CUBN: variants seen among roughly 807,000 people sequenced by gnomAD.
CUBN encodes the protein 460 kDa receptor.
A neutral mutation model predicts 405.3 loss-of-function variants in CUBN; 282 were observed. The observed-to-expected ratio is 0.70, with a 90% CI of 0.63 to 0.77. The LOEUF (loss-of-function observed/expected upper bound fraction) is 0.77, where lower values mean the gene tolerates loss of function less well. Ranked by LOEUF, CUBN falls within the 30% of genes least tolerant of loss-of-function variation. The pLI, the probability that CUBN is intolerant of heterozygous loss-of-function variation, is 0.00. For synonymous variants in CUBN, 1,684 were observed against 1,617.0 expected (o/e 1.04, Z -0.99); for missense variants, 4,514 against 4,475.2 (o/e 1.01, Z -0.25).
intron 31 of CUBN, among the ~76,000 whole-genome samples, chr10:16,958,592 G>A (rs187792716): frequency 3.9e-5 from 6 of 152,288 alleles, no homozygotes; most frequent in Admixed American, 1.3e-4. Context: ...CAAATGTGAT[G>A]AGCATGTTAT....
chr10:16,997,705 T>G (rs1333733018), intron 28 of CUBN, among the ~76,000 whole-genome samples: 1 of 152,164 alleles, frequency 6.6e-6, no homozygotes, highest in East Asian at 1.9e-4. Context: ...TGGACAGGAA[T>G]ATGTGCTCCT....
chr10:17,001,321 C>T (rs1177233623), intron 28 of CUBN, among the ~76,000 whole-genome samples: 1 of 152,216 alleles, frequency 6.6e-6, no homozygotes, highest in Non-Finnish European at 1.5e-5. Context: ...GCGCAGGAGG[C>T]CAGCTTTTAT....
intron 60 of CUBN, among the ~76,000 whole-genome samples, chr10:16,844,138 G>T (rs534932717): frequency 1.3e-5 from 2 of 152,000 alleles, no homozygotes; most frequent in African/African-American, 2.4e-5. Context: ...ATGTGGTGGC[G>T]CAGGCCTGTA....
intron 28 of CUBN, among the ~76,000 whole-genome samples, chr10:17,007,101 C>A (rs1458650602): frequency 6.6e-6 from 1 of 152,104 alleles, no homozygotes; most frequent in Admixed American, 6.5e-5. Flanking sequence ...CCAGAAGAGG[C>A]GAGGGGGTCT....
chr10:16,858,482 G>A lies in CUBN; in HGVS notation c.9455-7039C>T, dbSNP rs979867732. 3.9e-5 allele frequency among the ~76,000 whole-genome samples: 6 copies of A among 151,980 alleles called. No homozygotes were observed. The East Asian group carries it at 7.7e-4, about 20-fold the overall frequency. On this transcript the variant is annotated intron_variant, in intron 59 of 66. Coordinates refer to ENST00000377833, the MANE Select transcript of CUBN (RefSeq NM_001081.4). ...ACCACAGGCAAATGCCACCATGCCT[G>A]GCTAATTTTGTTATTTTTGGTGAAG...
At chr10:17,118,719 G>A (rs1836963577) in intron 6 of CUBN, among the ~76,000 whole-genome samples, 1 of 152,200 alleles carries the variant, frequency 6.6e-6, no homozygotes, top group Non-Finnish European at 1.5e-5. Flanking sequence ...TTACAGGTGT[G>A]AGCCACCGTG....
intron 28 of CUBN, among the ~76,000 whole-genome samples, chr10:16,993,356 T>C (rs1247937499): frequency 6.6e-6 from 1 of 152,248 alleles, no homozygotes; most frequent in Non-Finnish European, 1.5e-5. Context: ...CATAAAACTC[T>C]GTGTAACATT....
intron 27 of CUBN, among the ~76,000 whole-genome samples, chr10:17,032,123 G>C (rs1834800432): frequency 6.6e-6 from 1 of 152,138 alleles, no homozygotes; most frequent in African/African-American, 2.4e-5. Context: ...GAATGGAGAT[G>C]GCATTTGCAA....
rs142488727 is a variant in CUBN, at chr10:16,902,136, C to A, written c.8063-677G>T. Reference sequence around the variant, plus strand: ...ACCATATATAGTATATATATACACACTATATATAGTATATATATATTTGTA... The same window carrying A: ...ACCATATATAGTATATATATACACAATATATATAGTATATATATATTTGTA... On this transcript the variant is annotated intron_variant, in intron 51 of 66. Transcript: ENST00000377833. Among the ~76,000 whole-genome samples, 935 of 129,734 alleles carry A rather than the reference C, an allele frequency of 7.2e-3. 4 individuals carry two copies. The highest frequency in any genetic ancestry group is 0.011 in the Non-Finnish European group (718 of 63,416). The allele number at this position is 129,734 out of a possible 152,430, so 85.1% of individuals were successfully genotyped here. A position where few individuals can be genotyped will look rare whatever the true frequency, so the allele number is the denominator to read the frequency against.
chr10:17,016,956 T>C (rs142834406), intron 28 of CUBN, among the ~76,000 whole-genome samples: 3,344 of 152,260 alleles, frequency 0.022, 40 homozygotes, highest in African/African-American at 0.029. Flanking sequence ...GTATTGTAAT[T>C]TATACTTCCC....
At chr10:17,082,418 CAGA>C (rs1835992795) in intron 17 of CUBN, among the ~76,000 whole-genome samples, 1 of 152,144 alleles carries the variant, frequency 6.6e-6, no homozygotes, top group African/African-American at 2.4e-5. Flanking sequence ...GCAAACTTTT[CAGA>C]AGAATTCAGA....
chr10:16,967,067 C>T (rs530337515), intron 31 of CUBN, among the ~76,000 whole-genome samples: 53 of 152,142 alleles, frequency 3.5e-4, no homozygotes, highest in Non-Finnish European at 6.8e-4. Context: ...AATGTGAATG[C>T]GGAAGGAAAT....
In CUBN at chr10:17,103,113, T is replaced by G. The variant is rs138936163; in HGVS notation, c.1530+12A>C. ...ATATAATATGCATTTGGGCAAGAGT[T>G]ACTACATTTACCTTTCCCATTTCAG... On this transcript the variant is annotated intron_variant, in intron 13 of 66. Coordinates refer to ENST00000377833, the MANE Select transcript of CUBN (RefSeq NM_001081.4). The G allele has an allele frequency of 3.8e-4, 557 of 1,474,194 alleles. No homozygotes were observed. The African/African-American group carries it at 6.8e-3, about 18-fold the overall frequency. 91.3% of individuals were successfully genotyped at this position (1,474,194 alleles called of 1,614,324 possible). A position where few individuals can be genotyped will look rare whatever the true frequency, so the allele number is the denominator to read the frequency against.
intron 17 of CUBN, 136 bp from the exon 18 acceptor site, chr10:17,072,107 T>C: frequency 1.4e-6 from 1 of 714,378 alleles, no homozygotes; most frequent in Middle Eastern, 4.0e-4. Flanking sequence ...TTTCTATTAT[T>C]TTCTAAAGCA....
intron 33 of CUBN, 63 bp from the exon 34 acceptor site, chr10:16,950,174 G>A (rs1328610699): frequency 2.7e-6 from 3 of 1,119,952 alleles, no homozygotes; most frequent in Non-Finnish European, 4.0e-6. Flanking sequence ...CAGGGAGATG[G>A]GGCAAGACGG....
At chr10:16,960,382 C>A (rs972770217) in intron 31 of CUBN, among the ~76,000 whole-genome samples, 2 of 152,088 alleles carry the variant, frequency 1.3e-5, no homozygotes, top group Admixed American at 6.6e-5. Flanking sequence ...ATCCCAGCTA[C>A]CTGGGAGGCT....
intron 22 of CUBN, among the ~76,000 whole-genome samples, chr10:17,058,246 T>C (rs200474890): frequency 6.6e-6 from 1 of 152,044 alleles, no homozygotes; most frequent in Non-Finnish European, 1.5e-5. Flanking sequence ...ATAGAGGTTG[T>C]TGAGGAAACT....
intron 24 of CUBN, among the ~76,000 whole-genome samples, chr10:17,045,689 A>C (rs546249234): frequency 6.6e-6 from 1 of 152,062 alleles, no homozygotes; most frequent in Non-Finnish European, 1.5e-5. Context: ...CCCAGCCCCA[A>C]TTTCCATTAA....
At chr10:17,022,611 C>A (rs1417847254) in intron 27 of CUBN, among the ~76,000 whole-genome samples, 1 of 152,068 alleles carries the variant, frequency 6.6e-6, no homozygotes, top group Non-Finnish European at 1.5e-5. Flanking sequence ...GCGGAGAAAC[C>A]GGAGGGCGAG....
Sources: allele counts gnomAD v4.1 joint callset (sites outside exome capture counted in the v4.1 genomes callset), GRCh38; gene constraint gnomAD v4.1.1; transcripts MANE v1.5; gene names NCBI Gene and HGNC (gene_info 2026-07-23, HGNC 2026-07-21).